Variants in SAE1 observed in about 807,000 individuals in gnomAD.
SAE1 encodes SUMO-activating enzyme subunit 1.
In SAE1, 11 loss-of-function variants were observed where a neutral mutation model predicts 40.6. The observed-to-expected ratio is 0.27, with a 90% CI of 0.17 to 0.45. SAE1 has a LOEUF of 0.45. Among genes scored for constraint, SAE1 ranks in the 20% least tolerant of loss-of-function variants. The probability of loss-of-function intolerance (pLI) is 1.00; values close to 1 mark genes in which losing one functional copy is unlikely to be tolerated. For missense variants in SAE1, 373 were observed against 427.3 expected (o/e 0.87, Z 1.12); for synonymous variants, 155 against 154.3 (o/e 1.00, Z -0.03).
chr19:47,134,959 C>CA (rs1423155823), intron 1 of SAE1, among the ~76,000 whole-genome samples: 1 of 152,054 alleles, frequency 6.6e-6, no homozygotes, highest in Non-Finnish European at 1.5e-5. Flanking sequence ...AATTTGTACT[C>CA]TATTTTTAGA....
rs1467368620 is a variant in SAE1 at position 47,155,108 on chromosome 19, C to G, written c.528-6C>G. 1.5e-5 allele frequency: 24 copies of G among 1,574,262 alleles called. No individual in the cohort carries two copies. The highest frequency in any genetic ancestry group is 2.0e-5 in the Non-Finnish European group (23 of 1,144,092). On this transcript the variant is annotated splice_polypyrimidine_tract_variant and splice_region_variant and intron_variant, in intron 4 of 8. Transcript: ENST00000270225. The stretch of plus-strand genomic sequence containing the variant: ...AATTACATTCTCTCCCCTTGTCACC[C>G]TCTAGGGAGAAAACTAAAGTTGCCA...
intron 6 of SAE1, among the ~76,000 whole-genome samples, chr19:47,188,584 G>C (rs1159758430): frequency 6.6e-6 from 1 of 152,184 alleles, no homozygotes; most frequent in East Asian, 1.9e-4. Flanking sequence ...CTTTGCTTAA[G>C]AGCAGTGACA....
At chr19:47,206,875 G>A (rs1417305678) in intron 8 of SAE1, among the ~76,000 whole-genome samples, 1 of 152,188 alleles carries the variant, frequency 6.6e-6, no homozygotes, top group Non-Finnish European at 1.5e-5. Context: ...ACTCTAGCAG[G>A]CAGGTGCTTT....
At chr19:47,203,519 G>T in intron 7 of SAE1, 152 bp from the exon 8 acceptor site, 2 of 628,288 alleles carry the variant, frequency 3.2e-6, no homozygotes, top group African/African-American at 1.8e-5. Context: ...TCATTTTCAC[G>T]CCTAGATGCC....
chr19:47,209,485 T>G lies in SAE1; in HGVS notation c.*234T>G. ...GTTCCAGCACTGTTCAGGCTGCCTGTCATCCCGGGCCTGCCAGCTCCCCTG... is the reference window on the plus strand; with the variant it reads ...GTTCCAGCACTGTTCAGGCTGCCTGGCATCCCGGGCCTGCCAGCTCCCCTG... On this transcript the variant is annotated 3_prime_UTR_variant, in exon 9 of 9. Coordinates refer to ENST00000270225, the MANE Select transcript of SAE1 (RefSeq NM_005500.3). 1 of 649,750 alleles carries G rather than the reference T, an allele frequency of 1.5e-6. No homozygotes were observed. Among genetic ancestry groups the G allele is most frequent in the Non-Finnish European group, 2.6e-6 (1 of 386,124 alleles). The allele number at this position is 649,750 out of a possible 1,614,324, so 40.2% of individuals were successfully genotyped here. A position where few individuals can be genotyped will look rare whatever the true frequency, so the allele number is the denominator to read the frequency against.
At chr19:47,192,485 G>T (rs1248576335) in intron 6 of SAE1, among the ~76,000 whole-genome samples, 1 of 152,006 alleles carries the variant, frequency 6.6e-6, no homozygotes, top group Non-Finnish European at 1.5e-5. Context: ...CTGACCTCGT[G>T]ATCCACCCGC....
rs2058180383 is a variant in SAE1 at position 47,136,422 on chromosome 19, G to A, written c.98+5394G>A. ...CAAAGTGTTGCAATTACAGGCGTGA[G>A]CCACCACACCCAGCCTGATTTATTT... On this transcript the variant is annotated intron_variant, in intron 1 of 8. Coordinates refer to ENST00000270225, the MANE Select transcript of SAE1 (RefSeq NM_005500.3). 2.0e-5 allele frequency among the ~76,000 whole-genome samples: 3 copies of A among 151,726 alleles called. No individual in the cohort carries two copies. The South Asian group carries it at 6.2e-4, about 32-fold the overall frequency.
At chr19:47,167,173 C>A (rs1159998628) in intron 5 of SAE1, among the ~76,000 whole-genome samples, 3 of 151,888 alleles carry the variant, frequency 2.0e-5, no homozygotes, top group Non-Finnish European at 4.4e-5. Context: ...AGGCTGGTCT[C>A]CAATTCCTGA....
chr19:47,152,788 C>T, intron 3 of SAE1, 110 bp from the exon 4 acceptor site: 2 of 1,057,120 alleles, frequency 1.9e-6, no homozygotes, highest in South Asian at 1.8e-5. Context: ...CAGTTTGAAA[C>T]ATGCTTTGAG....
chr19:47,132,214 C>T (rs1226316914), intron 1 of SAE1, among the ~76,000 whole-genome samples: 2 of 151,602 alleles, frequency 1.3e-5, no homozygotes, highest in African/African-American at 4.8e-5. Context: ...CTGCCCGCCA[C>T]AGCCTCCCAA....
intron 3 of SAE1, among the ~76,000 whole-genome samples, chr19:47,152,558 T>G (rs1180073214): frequency 1.3e-5 from 2 of 152,236 alleles, no homozygotes; most frequent in East Asian, 3.8e-4. Flanking sequence ...TTTAGCAGTA[T>G]AGAAACAACT....
intron 1 of SAE1, among the ~76,000 whole-genome samples, chr19:47,140,341 C>T (rs927379448): frequency 5.9e-5 from 9 of 151,918 alleles, no homozygotes; most frequent in African/African-American, 1.4e-4. Context: ...CTTCTGACCT[C>T]GTGATCTGCC....
intron 1 of SAE1, among the ~76,000 whole-genome samples, chr19:47,131,992 C>T (rs1397114635): frequency 1.3e-5 from 2 of 151,606 alleles, no homozygotes; most frequent in African/African-American, 4.9e-5. Flanking sequence ...TGAGCCACCG[C>T]GCCAGGACGT....
At chr19:47,134,591 G>A (rs1488291142) in intron 1 of SAE1, among the ~76,000 whole-genome samples, 1 of 151,750 alleles carries the variant, frequency 6.6e-6, no homozygotes, top group East Asian at 1.9e-4. Context: ...CTTTGAGGAA[G>A]CTTGGTGTGT....
Position 47,131,028 on chromosome 19 carries a change from G to A in SAE1, c.98G>A (p.Arg33Gln). ...CTGTGGGGACTGGAGGCCCAGAAAC[G>A]GTCAGGGCCGGCGCGGCTTGAGGCC... The part of the protein sequence containing the change: ...IRLWGLEAQK[R>Q]LRASRVLLVG... Residue 33 changes from arginine (R) to glutamine (Q), a missense_variant and splice_region_variant, in exon 1 of 9, where the codon CGG (arginine) becomes CAG (glutamine). Arg to Gln is a conservative substitution (Grantham distance 43). Coordinates refer to ENST00000270225, the MANE Select transcript of SAE1 (RefSeq NM_005500.3). 6.5e-7 allele frequency: 1 copy of A among 1,536,164 alleles called. No homozygotes were observed.
intron 2 of SAE1, among the ~76,000 whole-genome samples, chr19:47,147,775 T>C (rs2058263516): frequency 6.6e-6 from 1 of 150,926 alleles, no homozygotes; most frequent in Non-Finnish European, 1.5e-5. Flanking sequence ...TTTTTTTTTT[T>C]TGAGACAGAG....
chr19:47,174,549 A>G (rs1212930451), intron 6 of SAE1, among the ~76,000 whole-genome samples: 3 of 141,866 alleles, frequency 2.1e-5, no homozygotes, highest in Non-Finnish European at 4.5e-5. Flanking sequence ...GGCATATGTC[A>G]CCACGCCTGG....
At chr19:47,158,531 A>G (rs2058337496) in intron 5 of SAE1, among the ~76,000 whole-genome samples, 1 of 152,122 alleles carries the variant, frequency 6.6e-6, no homozygotes, top group African/African-American at 2.4e-5. Context: ...CCAGAGGAAG[A>G]GTTGTTTGTG....
rs1184304443 is a variant in SAE1, at chr19:47,150,297, C to G, written c.306C>G (p.Leu102=). 1 of 1,613,758 alleles carries G rather than the reference C, an allele frequency of 6.2e-7. No individual in the cohort carries two copies. Among genetic ancestry groups the G allele is most frequent in the Non-Finnish European group, 8.5e-7 (1 of 1,179,878 alleles). Residue 102 remains leucine, a synonymous_variant, in exon 3 of 9, where the codon CTC becomes CTG. Coordinates refer to ENST00000270225, the MANE Select transcript of SAE1 (RefSeq NM_005500.3). The part of the protein sequence containing the change: ...AEASLERAQN[L]NPMVDVKVDT... Reference sequence around the variant, plus strand: ...CCTCTTTGGAGCGAGCTCAGAATCTCAACCCCATGGTGGATGTGAAGGTGG... The same window carrying G: ...CCTCTTTGGAGCGAGCTCAGAATCTGAACCCCATGGTGGATGTGAAGGTGG...
Sources: allele counts gnomAD v4.1 joint callset (sites outside exome capture counted in the v4.1 genomes callset), GRCh38; gene constraint gnomAD v4.1.1; transcripts MANE v1.5; gene names NCBI Gene and HGNC (gene_info 2026-07-23, HGNC 2026-07-21).